RANBP2: variants seen among roughly 807,000 people sequenced by gnomAD.
RANBP2 encodes the protein E3 SUMO-protein ligase RanBP2.
In RANBP2, 57 loss-of-function variants were observed where a neutral mutation model predicts 303.6. The observed-to-expected ratio is 0.19, with a 90% CI of 0.15 to 0.23. The LOEUF is 0.23. Among genes scored for constraint, RANBP2 ranks in the 10% least tolerant of loss-of-function variants. RANBP2 has a pLI of 1.00. For synonymous variants in RANBP2, 1,167 were observed against 1,301.5 expected, an observed-to-expected ratio of 0.90 and a Z score of 2.23; for missense variants, 3,138 against 3,780.8, an observed-to-expected ratio of 0.83 and a Z score of 4.46.
chr2:109,600,599 G>A, the RANBP2 span, among the ~76,000 whole-genome samples: 1 of 147,794 alleles, frequency 6.8e-6, no homozygotes, highest in Non-Finnish European at 1.5e-5. Context: ...GGATAATTTT[G>A]TGACCAAATG....
At chr2:109,306,524 G>C in the RANBP2 span, among the ~76,000 whole-genome samples, 3 of 152,236 alleles carry the variant, frequency 2.0e-5, no homozygotes, top group Non-Finnish European at 4.4e-5. Flanking sequence ...GTACATCTCC[G>C]ACCTGCCCTT....
chr2:108,916,976 A>C, the RANBP2 span, among the ~76,000 whole-genome samples: 1 of 152,186 alleles, frequency 6.6e-6, no homozygotes. Flanking sequence ...AGGCCACCAA[A>C]GGGCAGCAGC....
chr2:109,679,966 T>C, the RANBP2 span, among the ~76,000 whole-genome samples: 48 of 151,920 alleles, frequency 3.2e-4, 1 homozygote, highest in African/African-American at 9.7e-5. Flanking sequence ...ACGAAATCAG[T>C]CAAAAGTGTT....
rs199724896 is a variant in RANBP2, at chr2:108,771,651, G to A, written c.7850-50G>A. On this transcript the variant is annotated intron_variant, in intron 20 of 28. Coordinates refer to ENST00000283195, the MANE Select transcript of RANBP2 (RefSeq NM_006267.5). ...TTTTATTTTCAGTTAGAGTATTAAC[G>A]TCAATACTTAATACCTTATCTTTGT... The A allele has an allele frequency of 3.3e-4, 531 of 1,602,116 alleles. 4 individuals carry two copies. The African/African-American group carries it at 6.2e-3, about 19-fold the overall frequency.
At chr2:108,813,995 A>C in the RANBP2 span, among the ~76,000 whole-genome samples, 3 of 152,182 alleles carry the variant, frequency 2.0e-5, no homozygotes, top group East Asian at 5.8e-4. Context: ...TCTTCTGTTG[A>C]TAGACACCTG....
chr2:108,962,629 C>G, the RANBP2 span, among the ~76,000 whole-genome samples: 2 of 141,710 alleles, frequency 1.4e-5, no homozygotes, highest in Admixed American at 1.5e-4. Flanking sequence ...GAGCCGAGAT[C>G]GCTCCACTGC....
At chr2:109,291,158 G>A in the RANBP2 span, among the ~76,000 whole-genome samples, 4 of 152,200 alleles carry the variant, frequency 2.6e-5, no homozygotes, top group Admixed American at 6.5e-5. Context: ...TCTCATGAAC[G>A]TGGGGAGAGT....
chr2:109,451,430 C>G, the RANBP2 span, among the ~76,000 whole-genome samples: 1 of 152,166 alleles, frequency 6.6e-6, no homozygotes, highest in African/African-American at 2.4e-5. Flanking sequence ...TGTAATAGTT[C>G]CTTAAGCATT....
chr2:109,078,226 GTGTATA>G, the RANBP2 span, among the ~76,000 whole-genome samples: 435 of 44,620 alleles, frequency 9.7e-3, 12 homozygotes, highest in Non-Finnish European at 0.016. Context: ...TATATATAGC[GTGTATA>G]TATATATATA....
chr2:108,787,712 T>G (rs574647729), downstream of RANBP2, among the ~76,000 whole-genome samples: 5 of 148,782 alleles, frequency 3.4e-5, no homozygotes, highest in South Asian at 1.1e-3. Flanking sequence ...TGTAAGGTTG[T>G]TTTTTTTTTG....
chr2:108,900,402 A>G, the RANBP2 span, among the ~76,000 whole-genome samples: 26 of 152,224 alleles, frequency 1.7e-4, no homozygotes, highest in African/African-American at 5.8e-4. Flanking sequence ...CTAAATATAC[A>G]AAATTAGCTG....
At chr2:109,015,337 A>G in the RANBP2 span, among the ~76,000 whole-genome samples, 33 of 152,128 alleles carry the variant, frequency 2.2e-4, no homozygotes, top group Middle Eastern at 3.4e-3. Context: ...AGCCCACTCA[A>G]TGTGAAGATG....
the RANBP2 span, among the ~76,000 whole-genome samples, chr2:109,364,283 G>A: frequency 6.6e-6 from 1 of 151,886 alleles, no homozygotes; most frequent in Admixed American, 6.6e-5. Context: ...GCACGTCGAA[G>A]GCATTCTTCA....
At chr2:109,686,721 C>G in the RANBP2 span, among the ~76,000 whole-genome samples, 1 of 152,160 alleles carries the variant, frequency 6.6e-6, no homozygotes, top group Admixed American at 6.5e-5. Flanking sequence ...AAGCAATCTT[C>G]CTGTCTCAGC....
chr2:109,371,726 C>T, the RANBP2 span: 2 of 1,546,214 alleles, frequency 1.3e-6, no homozygotes, highest in South Asian at 2.3e-5. Context: ...TCTTGCCCAC[C>T]CTTGTTTCAC....
At chr2:109,518,326 T>C in the RANBP2 span, among the ~76,000 whole-genome samples, 296 of 152,300 alleles carry the variant, frequency 1.9e-3, 2 homozygotes, top group African/African-American at 7.0e-3. Context: ...GCTGGGCCCT[T>C]TACTCCATCA....
chr2:109,003,077 T>C, the RANBP2 span, among the ~76,000 whole-genome samples: 1 of 151,734 alleles, frequency 6.6e-6, no homozygotes, highest in Admixed American at 6.6e-5. Flanking sequence ...ATGGTGATGC[T>C]TGCCTGTAGT....
chr2:108,853,983 AATATATAATAAATTTATATT>A, the RANBP2 span, among the ~76,000 whole-genome samples: 2 of 9,424 alleles, frequency 2.1e-4, no homozygotes, highest in South Asian at 3.5e-3. Context: ...TATAATATAT[AATATATAATAAATTTATATT>A]ATATATAATA....
Position 108,765,065 on chromosome 2 carries a change from G to A in RANBP2, c.4526G>A (p.Ser1509Asn). ...CAACQNPRKQ[S>N]LPATSIPTPA... ...GCTTGTCAGAATCCGAGAAAACAGA[G>A]TCTACCTGCTACTTCTATTCCAACA... is the stretch of plus-strand genomic sequence containing the variant. The change falls in exon 20 of 29, where the codon AGT becomes AAT. Residue 1509 changes from serine (S) to asparagine (N), a missense_variant. Transcript: ENST00000283195. 1.2e-6 allele frequency: 2 copies of A among 1,613,848 alleles called. No homozygotes were observed. Among genetic ancestry groups the A allele is most frequent in the East Asian group, 2.2e-5 (1 of 44,842 alleles).
Sources: allele counts gnomAD v4.1 joint callset (sites outside exome capture counted in the v4.1 genomes callset), GRCh38; gene constraint gnomAD v4.1.1; transcripts MANE v1.5; gene names NCBI Gene and HGNC (gene_info 2026-07-23, HGNC 2026-07-21).